Variants in CFTR observed in about 807,000 individuals in gnomAD.
The protein encoded by CFTR is cystic fibrosis transmembrane conductance regulator.
Under a neutral mutation model 171.6 loss-of-function variants are expected in CFTR, and 181 were observed. The ratio of observed to expected loss-of-function variants is 1.05; its 90% CI spans 0.93 to 1.19. The LOEUF is 1.19. Among genes scored for constraint, CFTR ranks in the 50% most tolerant of loss-of-function variants. The pLI is 0.00. For missense variants in CFTR, 1,968 were observed against 1,734.7 expected (o/e 1.13, Z -2.39); for synonymous variants, 583 against 608.0 (o/e 0.96, Z 0.60).
At chr7:117,570,951 A>G (rs146574148) in intron 11 of CFTR, among the ~76,000 whole-genome samples, 90 of 152,352 alleles carry the variant, frequency 5.9e-4, no homozygotes, top group Middle Eastern at 3.4e-3. Flanking sequence ...AAGTAAGTGT[A>G]TATTTGGGAA....
At position 117,603,566 on chromosome 7, in the gene CFTR, A is replaced by C. The variant is rs1200550913; in HGVS notation, c.2692A>C (p.Ser898Arg). The part of the protein sequence containing the change: ...PLQDKGNSTH[S>R]RNNSYAVIIT... ...TCAAGACAAAGGGAATAGTACTCAT[A>C]GTAGAAATAACAGCTATGCAGTGAT... Residue 898 changes from serine to arginine, a missense_variant, in exon 17 of 27, where the codon AGT (serine) becomes CGT (arginine). By Grantham distance (110) the Ser-to-Arg change is moderately radical (BLOSUM62 -1). Coordinates refer to ENST00000003084, the MANE Select transcript of CFTR (RefSeq NM_000492.4). The C allele has an allele frequency of 6.2e-7, 1 of 1,613,976 alleles. No individual in the cohort carries two copies. The highest frequency in any genetic ancestry group is 8.5e-7 in the Non-Finnish European group (1 of 1,179,886).
chr7:117,664,600 T>G (rs536579748), intron 24 of CFTR, 88 bp from the exon 25 acceptor site: 1 of 1,248,570 alleles, frequency 8.0e-7, no homozygotes, highest in South Asian at 1.2e-5. Flanking sequence ...AAACATAAGC[T>G]TTCAGAACTC....
At chr7:117,535,458 C>A in intron 6 of CFTR, 47 bp downstream of exon 6, 1 of 1,555,480 alleles carries the variant, frequency 6.4e-7, no homozygotes, top group South Asian at 1.1e-5. Context: ...ATTATGTTTT[C>A]AAAAAGCCCA....
chr7:117,665,377 A>G (rs759218362), intron 25 of CFTR, 82 bp from the exon 26 acceptor site: 1 of 820,950 alleles, frequency 1.2e-6, no homozygotes, highest in African/African-American at 1.7e-5. Context: ...AAGAGATAAT[A>G]GAACAATAGA....
chr7:117,613,999 C>CTT (rs752774658), intron 20 of CFTR, among the ~76,000 whole-genome samples: 852 of 72,452 alleles, frequency 0.012, 36 homozygotes, highest in African/African-American at 0.022. Flanking sequence ...GTACAGTAAT[C>CTT]TTTTTTTTTT....
chr7:117,530,980 A>G lies in CFTR; in HGVS notation c.355A>G (p.Ile119Val), dbSNP rs193922518. ...CCCGGATAACAAGGAGGAACGCTCT[A>G]TCGCGATTTATCTAGGCATAGGCTT... Reference protein sequence around the residue: ...YDPDNKEERSIAIYLGIGLCL... With the variant: ...YDPDNKEERSVAIYLGIGLCL... The change falls in exon 4 of 27, where the codon ATC becomes GTC. Residue 119 changes from isoleucine (I) to valine (V), a missense_variant. Ile to Val is a conservative substitution (Grantham distance 29). Coordinates refer to ENST00000003084, the MANE Select transcript of CFTR (RefSeq NM_000492.4). The G allele has an allele frequency of 1.1e-4, 172 of 1,607,930 alleles. No homozygotes were observed. The highest frequency in any genetic ancestry group is 1.4e-4 in the Non-Finnish European group (165 of 1,174,580).
chr7:117,499,070 T>G (rs1341303824), intron 1 of CFTR, among the ~76,000 whole-genome samples: 1 of 152,160 alleles, frequency 6.6e-6, no homozygotes, highest in African/African-American at 2.4e-5. Context: ...CTATTTTATT[T>G]TATTGCATTT....
In CFTR at chr7:117,611,795, C is replaced by T; in HGVS notation, c.3354C>T (p.Ser1118=). 2 of 1,609,778 alleles carry T rather than the reference C, an allele frequency of 1.2e-6. No homozygotes were observed. The highest frequency in any genetic ancestry group is 1.7e-6 in the Non-Finnish European group (2 of 1,176,808). Residue 1118 remains serine (S), a synonymous_variant, in exon 20 of 27, where the codon TCC becomes TCT. Transcript: ENST00000003084. The part of the protein sequence containing the change: ...VIFFIAVTFI[S]ILTTGEGEGR... ...TCTTCATTGCTGTTACCTTCATTTC[C>T]ATTTTAACAACAGGTACTATGAACT...
At chr7:117,609,647 C>A (rs1387218241) in intron 18 of CFTR, among the ~76,000 whole-genome samples, 1 of 152,058 alleles carries the variant, frequency 6.6e-6, no homozygotes, top group Non-Finnish European at 1.5e-5. Context: ...GCCTAAATGA[C>A]AAGCTTGTAT....
chr7:117,539,112 A>G (rs943755457), intron 7 of CFTR, among the ~76,000 whole-genome samples: 1 of 152,030 alleles, frequency 6.6e-6, no homozygotes, highest in African/African-American at 2.4e-5. Context: ...ATCCTGGTTG[A>G]CCTTTCCTTG....
intron 10 of CFTR, among the ~76,000 whole-genome samples, chr7:117,554,266 G>T (rs1799316105): frequency 6.6e-6 from 1 of 152,164 alleles, no homozygotes; most frequent in South Asian, 2.1e-4. Flanking sequence ...AAGTAGTATA[G>T]TAGGAAGTGA....
intron 1 of CFTR, among the ~76,000 whole-genome samples, chr7:117,489,385 T>G (rs576167686): frequency 1.7e-4 from 26 of 152,128 alleles, no homozygotes; most frequent in Non-Finnish European, 3.1e-4. Context: ...TGTGTATAGT[T>G]AATGTAGTGC....
intron 14 of CFTR, among the ~76,000 whole-genome samples, 163 bp from the exon 15 acceptor site, chr7:117,594,767 A>G (rs1329990083): frequency 6.6e-6 from 1 of 152,236 alleles, no homozygotes; most frequent in Non-Finnish European, 1.5e-5. Flanking sequence ...TATTCTGGCT[A>G]TAGAATGACA....
At chr7:117,489,487 C>G (rs994141151) in intron 1 of CFTR, among the ~76,000 whole-genome samples, 1 of 151,964 alleles carries the variant, frequency 6.6e-6, no homozygotes, top group Non-Finnish European at 1.5e-5. Flanking sequence ...ATTATAAAAC[C>G]ATGATAATAT....
chr7:117,503,930 TA>T (rs1192887642), intron 1 of CFTR, among the ~76,000 whole-genome samples: 2 of 152,174 alleles, frequency 1.3e-5, no homozygotes, highest in Non-Finnish European at 2.9e-5. Flanking sequence ...AGTATATGAT[TA>T]TTTGGGGGCA....
chr7:117,500,289 T>A (rs1423373722), intron 1 of CFTR, among the ~76,000 whole-genome samples: 1 of 112,518 alleles, frequency 8.9e-6, no homozygotes, highest in Non-Finnish European at 2.0e-5. Flanking sequence ...TTTTTTTTTT[T>A]TTTTTTTTTT....
chr7:117,591,189 T>C (rs1792018488), intron 13 of CFTR, among the ~76,000 whole-genome samples: 2 of 152,178 alleles, frequency 1.3e-5, no homozygotes, highest in Admixed American at 6.5e-5. Flanking sequence ...CAAGATACTA[T>C]CTTTTCAACC....
At position 117,548,700 on chromosome 7, in the gene CFTR, T is replaced by A. The variant is rs376039579; in HGVS notation, c.1269T>A (p.Asn423Lys). 16 of 1,613,464 alleles carry A rather than the reference T, an allele frequency of 9.9e-6. No individual in the cohort carries two copies. The highest frequency in any genetic ancestry group is 6.7e-5 in the East Asian group (3 of 44,856). Residue 423 changes from asparagine to lysine, a missense_variant, in exon 10 of 27, where the codon AAT (asparagine) becomes AAA (lysine). By Grantham distance (94) the Asn-to-Lys change is moderately conservative. Transcript: ENST00000003084. ...ACAATAACAATAGAAAAACTTCTAA[T>A]GGTGATGACAGCCTCTTCTTCAGTA... ...KQNNNNRKTS[N>K]GDDSLFFSNF...
chr7:117,594,621 G>C (rs991409757), intron 14 of CFTR, among the ~76,000 whole-genome samples: 6 of 152,120 alleles, frequency 3.9e-5, no homozygotes, highest in Non-Finnish European at 7.4e-5. Context: ...TTGATAAAAG[G>C]TATGCCACTG....
Sources: gnomAD v4.1 joint callset for allele counts (sites outside exome capture counted in the v4.1 genomes callset) on GRCh38, gnomAD v4.1.1 for gene constraint, MANE v1.5 for transcripts, NCBI Gene and HGNC (gene_info 2026-07-23, HGNC 2026-07-21) for gene names.